NELL2: variants seen among roughly 807,000 people sequenced by gnomAD.
NELL2 encodes protein kinase C-binding protein NELL2.
NELL2 carries 41 observed loss-of-function variants against 109.6 expected under a neutral mutation model. That is an observed-to-expected ratio of 0.37 (90% confidence interval 0.29 to 0.49). The LOEUF is 0.49. Ranked by LOEUF, NELL2 falls within the 20% of genes least tolerant of loss-of-function variation. NELL2 has a pLI of 0.98. For synonymous variants in NELL2, 355 were observed against 344.7 expected (o/e 1.03, Z -0.33); for missense variants, 900 against 1,008.3 (o/e 0.89, Z 1.45).
intron 15 of NELL2, among the ~76,000 whole-genome samples, chr12:44,600,896 AT>A (rs1432791813): frequency 6.6e-6 from 1 of 152,214 alleles, no homozygotes; most frequent in Non-Finnish European, 1.5e-5. Flanking sequence ...CAAAATATTA[AT>A]ATTCAATTAA....
Position 44,671,809 on chromosome 12 carries a change from G to A in NELL2, c.1319-6200C>T, listed in dbSNP as rs190537793. Among the ~76,000 whole-genome samples, 371 of 152,238 alleles carry A rather than the reference G, an allele frequency of 2.4e-3. 2 individuals carry two copies. The highest frequency in any genetic ancestry group is 8.2e-3 in the African/African-American group (341 of 41,532). The stretch of plus-strand genomic sequence containing the variant: ...ACAGAGAAAATCCAAAGACAAAATG[G>A]CTTTACTGCTTAATTAGACCCAGAC... On this transcript the variant is annotated intron_variant, in intron 12 of 19. Coordinates refer to ENST00000429094, the MANE Select transcript of NELL2 (RefSeq NM_001145108.2).
intron 3 of NELL2, among the ~76,000 whole-genome samples, chr12:44,805,873 A>G (rs1312489714): frequency 6.6e-6 from 1 of 151,864 alleles, no homozygotes; most frequent in Non-Finnish European, 1.5e-5. Flanking sequence ...AGCAAAAAGG[A>G]TAGATATTTT....
At chr12:44,666,506 G>C (rs1461440697) in intron 12 of NELL2, among the ~76,000 whole-genome samples, 1 of 152,188 alleles carries the variant, frequency 6.6e-6, no homozygotes, top group Non-Finnish European at 1.5e-5. Context: ...ACTGTTAAGA[G>C]AAATGGATCA....
rs929313966 is a variant in NELL2, at chr12:44,876,153, C to G, written c.-284G>C. 2 of 1,259,522 alleles carry G rather than the reference C, an allele frequency of 1.6e-6. No individual in the cohort carries two copies. Among genetic ancestry groups the G allele is most frequent in the Admixed American group, 3.6e-5 (1 of 28,142 alleles). The allele number at this position is 1,259,522 out of a possible 1,614,324, so 78.0% of individuals were successfully genotyped here. On this transcript the variant is annotated 5_prime_UTR_variant, in exon 1 of 20. Transcript: ENST00000429094. ...CCGGAGGGAGGGGTCGGACTCGCCC[C>G]GGCGCGGCTCCGTCGGGGAATTAGC...
chr12:44,808,757 A>G (rs1450546), intron 3 of NELL2, among the ~76,000 whole-genome samples: 48,390 of 151,842 alleles, frequency 0.32, 8,752 homozygotes, highest in Non-Finnish European at 0.41. Flanking sequence ...CAAGAAAGAA[A>G]AATGGCTTAA....
rs183701552 is a variant in NELL2 at position 44,862,631 on chromosome 12, G to T, written c.184+12594C>A. On this transcript the variant is annotated intron_variant, in intron 2 of 19. Transcript: ENST00000429094. The stretch of plus-strand genomic sequence containing the variant: ...CATGTTTATGCAAAATTCAATGAGT[G>T]CTGACAGTGAGCTGCACTTTTTTTT... 3.3e-4 allele frequency among the ~76,000 whole-genome samples: 50 copies of T among 152,304 alleles called. No individual in the cohort carries two copies. In the East Asian group the frequency reaches 9.3e-3, roughly 28 times the overall value.
At chr12:44,794,007 T>C (rs181111449) in intron 3 of NELL2, among the ~76,000 whole-genome samples, 2 of 152,350 alleles carry the variant, frequency 1.3e-5, no homozygotes, top group East Asian at 3.9e-4. Context: ...GGAAATCCAC[T>C]GTTCCCCACT....
intron 3 of NELL2, among the ~76,000 whole-genome samples, chr12:44,808,880 T>A (rs1943087564): frequency 6.6e-6 from 1 of 152,026 alleles, no homozygotes. Context: ...AAAATCTCAT[T>A]TATTTCACCT....
At chr12:44,646,964 G>A (rs1290533851) in intron 13 of NELL2, among the ~76,000 whole-genome samples, 1 of 152,126 alleles carries the variant, frequency 6.6e-6, no homozygotes, top group Non-Finnish European at 1.5e-5. Context: ...CTAAAAGATG[G>A]TTAATAAGAT....
chr12:44,520,188 C>A lies in NELL2; in HGVS notation c.2217G>T (p.Val739=), dbSNP rs765992627. The change falls in exon 19 of 20, where the codon GTG becomes GTT. Residue 739 remains valine, a synonymous_variant. Transcript: ENST00000429094. ...CTGGGAGAATGCTGAATTCACACTC[C>A]ACATCTGGGCAAGGCAGGGGCCAAC... ...VDCWPLPCPD[V]ECEFSILPEN... is the part of the protein sequence containing the mutation. 3.1e-6 allele frequency: 5 copies of A among 1,613,570 alleles called. No homozygotes were observed. The highest frequency in any genetic ancestry group is 4.2e-6 in the Non-Finnish European group (5 of 1,179,858).
intron 9 of NELL2, among the ~76,000 whole-genome samples, chr12:44,727,725 A>T (rs1268045516): frequency 6.6e-5 from 10 of 152,084 alleles, no homozygotes; most frequent in Non-Finnish European, 1.5e-4. Context: ...GGGTCAATTA[A>T]GTAAAAGTTT....
chr12:44,875,419 T>A (rs1945286804), intron 1 of NELL2, 66 bp from the exon 2 acceptor site: 1 of 1,613,972 alleles, frequency 6.2e-7, no homozygotes, highest in South Asian at 1.1e-5. Flanking sequence ...AGTCTCTTCC[T>A]CCAGGGCAGC....
chr12:44,819,982 T>G (rs1309304644), intron 2 of NELL2, among the ~76,000 whole-genome samples: 1 of 152,150 alleles, frequency 6.6e-6, no homozygotes, highest in Non-Finnish European at 1.5e-5. Flanking sequence ...CAGCTTGATT[T>G]ACCATAGCCT....
intron 15 of NELL2, among the ~76,000 whole-genome samples, chr12:44,551,179 C>T (rs1943032929): frequency 6.6e-6 from 1 of 152,140 alleles, no homozygotes; most frequent in East Asian, 1.9e-4. Context: ...GTCTATCAAG[C>T]ATACCTCAAT....
At chr12:44,691,611 C>T (rs1047515649) in intron 12 of NELL2, among the ~76,000 whole-genome samples, 3 of 152,024 alleles carry the variant, frequency 2.0e-5, no homozygotes, top group East Asian at 1.9e-4. Context: ...CAATACAGGC[C>T]GAAAGTTAGG....
intron 2 of NELL2, among the ~76,000 whole-genome samples, chr12:44,872,771 G>A (rs531867886): frequency 2.6e-5 from 4 of 152,204 alleles, no homozygotes; most frequent in East Asian, 1.9e-4. Flanking sequence ...AGCATCTCAC[G>A]GATTTTGTAA....
At chr12:44,826,466 C>A in intron 2 of NELL2, among the ~76,000 whole-genome samples, 1 of 152,038 alleles carries the variant, frequency 6.6e-6, no homozygotes, top group East Asian at 1.9e-4. Flanking sequence ...TATGCTCATG[C>A]TTTTATAATG....
chr12:44,537,375 T>C (rs975051340), intron 15 of NELL2, among the ~76,000 whole-genome samples: 5 of 97,844 alleles, frequency 5.1e-5, no homozygotes, highest in Non-Finnish European at 7.0e-5. Context: ...ATACCTAAAA[T>C]AGACCCTATA....
chr12:44,646,653 A>G (rs1947105849), intron 13 of NELL2, among the ~76,000 whole-genome samples: 1 of 152,214 alleles, frequency 6.6e-6, no homozygotes. Context: ...ACTACAGATG[A>G]CTGAAGCCAT....
Sources: gnomAD v4.1 joint callset for allele counts (sites outside exome capture counted in the v4.1 genomes callset) on GRCh38, gnomAD v4.1.1 for gene constraint, MANE v1.5 for transcripts, NCBI Gene and HGNC (gene_info 2026-07-23, HGNC 2026-07-21) for gene names.